The following OGDHL variants were observed in gnomAD, a reference collection of about 807,000 sequenced individuals.
The protein encoded by OGDHL is oxoglutarate dehydrogenase L, also known as 2-oxoglutarate dehydrogenase-like, mitochondrial.
In OGDHL, 79 loss-of-function variants were observed where a neutral mutation model predicts 109.6. The ratio of observed to expected loss-of-function variants is 0.72; its 90% CI spans 0.60 to 0.87. The LOEUF (loss-of-function observed/expected upper bound fraction) is 0.87, where lower values mean the gene tolerates loss of function less well. Ranked by LOEUF, OGDHL falls within the 40% of genes least tolerant of loss-of-function variation. OGDHL has a pLI of 0.00. For missense variants in OGDHL, 1,275 were observed against 1,362.2 expected, an observed-to-expected ratio of 0.94 and a Z score of 1.01; for synonymous variants, 528 against 537.2, an observed-to-expected ratio of 0.98 and a Z score of 0.24.
intron 1 of OGDHL, among the ~76,000 whole-genome samples, chr10:49,759,329 G>A (rs1322052397): frequency 1.3e-5 from 2 of 152,074 alleles, no homozygotes; most frequent in East Asian, 3.9e-4. Flanking sequence ...GGCAGCCCCA[G>A]GCCCAGCCCA....
In OGDHL at chr10:49,740,814, T is replaced by C. The variant is rs746062444; in HGVS notation, c.2036A>G (p.Asp679Gly). Reference sequence around the variant, plus strand: ...ACACGTCCTGCGGTCAACCTCCTGGTCATGGAGAACATGGTGCCGGTGACT... The same window carrying C: ...ACACGTCCTGCGGTCAACCTCCTGGCCATGGAGAACATGGTGCCGGTGACT... ...TFSHRHHVLH[D>G]QEVDRRTCVP... Residue 679 changes from aspartate to glycine, a missense_variant, in exon 16 of 23, where the codon GAC (aspartate) becomes GGC (glycine). Coordinates refer to ENST00000374103, the MANE Select transcript of OGDHL (RefSeq NM_018245.3). 6.2e-7 allele frequency: 1 copy of C among 1,613,850 alleles called. No individual in the cohort carries two copies. Among genetic ancestry groups the C allele is most frequent in the East Asian group, 2.2e-5 (1 of 44,866 alleles).
At chr10:49,751,186 G>A (rs1316956121) in intron 6 of OGDHL, among the ~76,000 whole-genome samples, 1 of 152,016 alleles carries the variant, frequency 6.6e-6, no homozygotes, top group East Asian at 1.9e-4. Flanking sequence ...GTTAGGGGAG[G>A]CTAGGCATCT....
At chr10:49,749,375 A>T (rs184762165) in intron 8 of OGDHL, among the ~76,000 whole-genome samples, 1 of 152,230 alleles carries the variant, frequency 6.6e-6, no homozygotes, top group Non-Finnish European at 1.5e-5. Context: ...TGAGCAAGGG[A>T]GTCATTCCTG....
At chr10:49,745,321 GC>G in intron 12 of OGDHL, 22 bp downstream of exon 12, 1 of 1,610,920 alleles carries the variant, frequency 6.2e-7, no homozygotes. Flanking sequence ...TGTCTTGGGC[GC>G]CCCTGCAGCC....
chr10:49,745,424 T>C lies in OGDHL; in HGVS notation c.1549A>G (p.Ile517Val). Residue 517 changes from isoleucine (I) to valine (V), a missense_variant, in exon 12 of 23, where the codon ATC (isoleucine) becomes GTC (valine). Ile to Val is a conservative substitution (Grantham distance 29, BLOSUM62 3). Coordinates refer to ENST00000374103, the MANE Select transcript of OGDHL (RefSeq NM_018245.3). ...MFTQPLMYKQ[I>V]HRQVPVLKKY... ...TTCAGCACAGGCACCTGTCTGTGGA[T>C]CTGCTTGTACATGAGCGGCTGGGTG... 1 of 1,614,140 alleles carries C rather than the reference T, an allele frequency of 6.2e-7. No individual in the cohort carries two copies. Among genetic ancestry groups the C allele is most frequent in the Non-Finnish European group, 8.5e-7 (1 of 1,180,028 alleles).
chr10:49,751,023 G>A (rs752706514), intron 6 of OGDHL, 38 bp from the exon 7 acceptor site: 9 of 1,542,438 alleles, frequency 5.8e-6, no homozygotes, highest in Non-Finnish European at 7.9e-6. Flanking sequence ...AAGGGAAAGG[G>A]ATGGAGAGGG....
Position 49,740,769 on chromosome 10 carries a change from CAG to C in OGDHL, c.2079_2080del (p.Trp694AlafsTer2). Reference sequence around the variant, plus strand: ...CACGGTGTACGGGGCCTGGTCAGGCCAGAGATGATTCATAGGCACACACGTCC... The same window carrying C: ...CACGGTGTACGGGGCCTGGTCAGGCCAGATGATTCATAGGCACACACGTCC... On this transcript the variant is annotated frameshift_variant, in exon 16 of 23. Coordinates refer to ENST00000374103, the MANE Select transcript of OGDHL (RefSeq NM_018245.3). LOFTEE classifies it high-confidence loss of function. The C allele has an allele frequency of 6.2e-7, 1 of 1,613,958 alleles. No homozygotes were observed. The highest frequency in any genetic ancestry group is 2.2e-5 in the East Asian group (1 of 44,878).
intron 7 of OGDHL, 80 bp downstream of exon 7, chr10:49,750,759 T>C (rs1590743854): frequency 1.4e-6 from 2 of 1,480,948 alleles, no homozygotes; most frequent in East Asian, 5.0e-5. Context: ...ACCTCCGCTC[T>C]GATTTCCATC....
In OGDHL at chr10:49,736,441, G is replaced by A. The variant is rs1472750989; in HGVS notation, c.2670C>T (p.Cys890=). The A allele has an allele frequency of 1.9e-6, 3 of 1,613,976 alleles. No individual in the cohort carries two copies. The Admixed American group carries it at 5.0e-5, about 27-fold the overall frequency. The change falls in exon 21 of 23, where the codon TGC becomes TGT. Residue 890 remains cysteine (C), a synonymous_variant. Coordinates refer to ENST00000374103, the MANE Select transcript of OGDHL (RefSeq NM_018245.3). Reference sequence around the variant, plus strand: ...CCAGGTCATAGTACACCTTTCCCGTGCAGAAGATGAGCCGCTGCACCTGCT... The same window carrying A: ...CCAGGTCATAGTACACCTTTCCCGTACAGAAGATGAGCCGCTGCACCTGCT... ...APEQVQRLIF[C]TGKVYYDLVK...
At chr10:49,758,275 A>G (rs1588809637) in intron 2 of OGDHL, 114 bp downstream of exon 2, 1 of 1,079,504 alleles carries the variant, frequency 9.3e-7, no homozygotes, top group Admixed American at 2.3e-5. Flanking sequence ...AGGCAAAGAA[A>G]CCTGCCCAGG....
At chr10:49,744,257 C>A in intron 13 of OGDHL, 135 bp from the exon 14 acceptor site, 1 of 1,142,824 alleles carries the variant, frequency 8.8e-7, no homozygotes, top group Non-Finnish European at 1.2e-6. Flanking sequence ...CTGAGCCCAC[C>A]CTTGGGACCT....
At chr10:49,751,056 C>A in intron 6 of OGDHL, 71 bp from the exon 7 acceptor site, 2 of 1,417,452 alleles carry the variant, frequency 1.4e-6, no homozygotes, top group Non-Finnish European at 1.9e-6. Context: ...CTCACAGGGG[C>A]TGTTCATGAG....
intron 7 of OGDHL, among the ~76,000 whole-genome samples, chr10:49,750,043 T>A (rs763410967): frequency 1.5e-3 from 227 of 152,244 alleles, no homozygotes; most frequent in Non-Finnish European, 2.8e-3. Context: ...TCTGCCTAAC[T>A]CTCTGACCAG....
intron 10 of OGDHL, among the ~76,000 whole-genome samples, 165 bp downstream of exon 10, chr10:49,746,585 A>G (rs568563459): frequency 6.6e-6 from 1 of 152,210 alleles, no homozygotes; most frequent in African/African-American, 2.4e-5. Context: ...GTGTCTTCCA[A>G]TTTCACAGAC....
chr10:49,736,950 C>T (rs1317171440), intron 20 of OGDHL, among the ~76,000 whole-genome samples: 1 of 152,158 alleles, frequency 6.6e-6, no homozygotes, highest in Non-Finnish European at 1.5e-5. Flanking sequence ...TTCAGCCTGG[C>T]AGCTGAGCTT....
chr10:49,754,023 T>C (rs925258802), intron 3 of OGDHL, among the ~76,000 whole-genome samples: 4 of 151,688 alleles, frequency 2.6e-5, no homozygotes, highest in Non-Finnish European at 5.9e-5. Flanking sequence ...AATGTTGCCA[T>C]AAGATTGACA....
chr10:49,758,512 A>G lies in OGDHL; in HGVS notation c.81T>C (p.Phe27=), dbSNP rs779546810. ...GCCCGGAGGACCTGCTGCGCCAGCC[A>G]AACACCGGGACGTCATGTGCAGCCA... ...RLLAAHDVPV[F]GWRSRSSGPP... Residue 27 remains phenylalanine (F), a synonymous_variant, in exon 2 of 23, where the codon TTT becomes TTC. Coordinates refer to ENST00000374103, the MANE Select transcript of OGDHL (RefSeq NM_018245.3). The G allele has an allele frequency of 5.6e-6, 9 of 1,613,820 alleles. No homozygotes were observed. Among genetic ancestry groups the G allele is most frequent in the Non-Finnish European group, 6.8e-6 (8 of 1,180,044 alleles).
intron 3 of OGDHL, 38 bp downstream of exon 3, chr10:49,756,737 CA>C: frequency 1.3e-6 from 2 of 1,582,304 alleles, no homozygotes; most frequent in Non-Finnish European, 8.6e-7. Flanking sequence ...CCCCAGGAGC[CA>C]GTGCAGCCTC....
chr10:49,743,171 T>C (rs534011919), intron 14 of OGDHL, among the ~76,000 whole-genome samples, 193 bp from the exon 15 acceptor site: 13 of 152,320 alleles, frequency 8.5e-5, no homozygotes, highest in African/African-American at 2.9e-4. Context: ...CCCGAGCCTG[T>C]GGAGGGGTGG....
Sources: gnomAD v4.1 joint callset for allele counts (sites outside exome capture counted in the v4.1 genomes callset) on GRCh38, gnomAD v4.1.1 for gene constraint, MANE v1.5 for transcripts, NCBI Gene and HGNC (gene_info 2026-07-23, HGNC 2026-07-21) for gene names.